SDK1: variants seen among roughly 807,000 people sequenced by gnomAD.
The protein encoded by SDK1 is protein sidekick-1.
SDK1 carries 157 observed loss-of-function variants against 245.5 expected under a neutral mutation model. The ratio of observed to expected loss-of-function variants is 0.64; its 90% CI spans 0.56 to 0.73. The LOEUF (loss-of-function observed/expected upper bound fraction) is 0.73. Among genes scored for constraint, SDK1 ranks in the 30% least tolerant of loss-of-function variants. The pLI is 0.00. For missense variants in SDK1, 3,583 were observed against 3,002.3 expected (o/e 1.19, Z -4.52); for synonymous variants, 1,647 against 1,278.5 (o/e 1.29, Z -6.15).
At chr7:4,126,664 G>A (rs1784405969) in intron 25 of SDK1, among the ~76,000 whole-genome samples, 1 of 152,244 alleles carries the variant, frequency 6.6e-6, no homozygotes, top group South Asian at 2.1e-4. Context: ...AAGTTGCAGT[G>A]AGCCAAGATC....
chr7:3,599,452 A>G (rs960910202), intron 1 of SDK1, among the ~76,000 whole-genome samples: 4 of 152,182 alleles, frequency 2.6e-5, no homozygotes, highest in African/African-American at 9.7e-5. Flanking sequence ...AGTCTTTTGA[A>G]GAGCAGAAGG....
chr7:3,678,803 T>A (rs1474431261), intron 4 of SDK1, among the ~76,000 whole-genome samples: 1 of 152,186 alleles, frequency 6.6e-6, no homozygotes, highest in East Asian at 1.9e-4. Flanking sequence ...TTACCACAGT[T>A]TTTTAAAAAG....
chr7:3,418,387 T>G (rs952629204), intron 1 of SDK1, among the ~76,000 whole-genome samples: 3 of 152,148 alleles, frequency 2.0e-5, no homozygotes, highest in African/African-American at 7.2e-5. Flanking sequence ...AATGGAATAT[T>G]CACTTCACTG....
At chr7:3,469,113 A>G (rs1478699942) in intron 1 of SDK1, among the ~76,000 whole-genome samples, 1 of 151,976 alleles carries the variant, frequency 6.6e-6, no homozygotes. Flanking sequence ...TGAAATTTCG[A>G]ATTTCGTGTC....
At chr7:3,855,357 A>C (rs1186797919) in intron 5 of SDK1, among the ~76,000 whole-genome samples, 1 of 152,088 alleles carries the variant, frequency 6.6e-6, no homozygotes, top group Admixed American at 6.6e-5. Flanking sequence ...AACAAGCAGA[A>C]GAGAACTACA....
chr7:3,778,603 T>C (rs1780632464), intron 4 of SDK1, among the ~76,000 whole-genome samples: 1 of 152,250 alleles, frequency 6.6e-6, no homozygotes, highest in Admixed American at 6.5e-5. Flanking sequence ...TGTATTTCAT[T>C]GTAGCGAAAG....
intron 32 of SDK1, among the ~76,000 whole-genome samples, chr7:4,169,872 C>G (rs755818956): frequency 1.3e-5 from 2 of 152,040 alleles, no homozygotes; most frequent in Admixed American, 6.5e-5. Flanking sequence ...TGCAGTGGCC[C>G]GAGTCACACA....
chr7:3,491,223 G>A (rs561234623), intron 1 of SDK1, among the ~76,000 whole-genome samples: 1 of 152,338 alleles, frequency 6.6e-6, no homozygotes, highest in South Asian at 2.1e-4. Flanking sequence ...GTCTAGAATT[G>A]CTGAGGAGCC....
intron 5 of SDK1, among the ~76,000 whole-genome samples, chr7:3,906,889 C>T (rs1032008223): frequency 1.3e-5 from 2 of 152,088 alleles, no homozygotes; most frequent in African/African-American, 2.4e-5. Flanking sequence ...CTCGGCCTCC[C>T]GAAGTGCTGG....
At chr7:4,086,129 T>C (rs1781413738) in intron 22 of SDK1, among the ~76,000 whole-genome samples, 1 of 152,188 alleles carries the variant, frequency 6.6e-6, no homozygotes, top group African/African-American at 2.4e-5. Context: ...TATTGCGCCT[T>C]GCTGTCTTCC....
chr7:3,956,798 C>T (rs886955397), intron 7 of SDK1, among the ~76,000 whole-genome samples: 3 of 152,174 alleles, frequency 2.0e-5, no homozygotes, highest in Non-Finnish European at 2.9e-5. Context: ...GGAGCAGCAT[C>T]GTCTGGGCCT....
chr7:3,453,031 C>T (rs919384274), intron 1 of SDK1, among the ~76,000 whole-genome samples: 4 of 152,158 alleles, frequency 2.6e-5, no homozygotes, highest in African/African-American at 9.7e-5. Flanking sequence ...TTGCCATTGC[C>T]TCCTCAGCTC....
intron 5 of SDK1, among the ~76,000 whole-genome samples, chr7:3,835,467 C>T (rs544639339): frequency 6.6e-6 from 1 of 152,144 alleles, no homozygotes; most frequent in Non-Finnish European, 1.5e-5. Context: ...CGTTGCTGGA[C>T]ACTTTCACTT....
intron 4 of SDK1, among the ~76,000 whole-genome samples, chr7:3,809,849 C>A (rs6945778): frequency 2.0e-5 from 3 of 151,920 alleles, no homozygotes; most frequent in African/African-American, 7.3e-5. Flanking sequence ...GAAAGTGAGA[C>A]ACAGAAAGCA....
At chr7:3,669,316 A>G (rs1249155764) in intron 4 of SDK1, among the ~76,000 whole-genome samples, 1 of 152,224 alleles carries the variant, frequency 6.6e-6, no homozygotes, top group African/African-American at 2.4e-5. Context: ...CAGATTAACT[A>G]CAGACCTTGT....
At chr7:3,854,372 G>C (rs887657412) in intron 5 of SDK1, among the ~76,000 whole-genome samples, 6 of 152,136 alleles carry the variant, frequency 3.9e-5, no homozygotes, top group Non-Finnish European at 7.3e-5. Flanking sequence ...TATGTGTGCA[G>C]ATTAAATCAG....
chr7:3,728,708 C>G (rs1779084648), intron 4 of SDK1, among the ~76,000 whole-genome samples: 1 of 152,174 alleles, frequency 6.6e-6, no homozygotes, highest in Admixed American at 6.5e-5. Flanking sequence ...TGGGCTCAAG[C>G]AGTTCTCCTG....
chr7:3,784,111 G>C (rs1280013492), intron 4 of SDK1, among the ~76,000 whole-genome samples: 1 of 148,094 alleles, frequency 6.8e-6, no homozygotes, highest in Non-Finnish European at 1.5e-5. Flanking sequence ...GTTAGAGAAA[G>C]GGTCTCCCTA....
chr7:4,249,957 C>G (rs185379008), intron 44 of SDK1, among the ~76,000 whole-genome samples: 1 of 152,292 alleles, frequency 6.6e-6, no homozygotes, highest in East Asian at 1.9e-4. Flanking sequence ...GTGCAGCCAT[C>G]ACCACAGTCA....
Sources: gnomAD v4.1 joint callset for allele counts (sites outside exome capture counted in the v4.1 genomes callset) on GRCh38, gnomAD v4.1.1 for gene constraint, MANE v1.5 for transcripts, NCBI Gene and HGNC (gene_info 2026-07-23, HGNC 2026-07-21) for gene names.